Variants in NTNG2 observed in about 807,000 individuals in gnomAD.
The protein encoded by NTNG2 is netrin-G2.
A neutral mutation model predicts 47.6 loss-of-function variants in NTNG2; 15 were observed. That is an observed-to-expected ratio of 0.32 (90% confidence interval 0.21 to 0.49). NTNG2 has a LOEUF of 0.49. Among genes scored for constraint, NTNG2 ranks in the 20% least tolerant of loss-of-function variants. The pLI is 0.99. For synonymous variants in NTNG2, 307 were observed against 324.6 expected (o/e 0.95, Z 0.58); for missense variants, 578 against 764.6 (o/e 0.76, Z 2.88).
At chr9:132,204,180 G>A (rs2130779493) in intron 3 of NTNG2, among the ~76,000 whole-genome samples, 1 of 152,228 alleles carries the variant, frequency 6.6e-6, no homozygotes, top group East Asian at 1.9e-4. Flanking sequence ...GTTCCAAGAG[G>A]CTGAGCTGGG....
At chr9:132,193,949 G>C (rs934078247) in intron 2 of NTNG2, among the ~76,000 whole-genome samples, 2 of 152,264 alleles carry the variant, frequency 1.3e-5, no homozygotes, top group Admixed American at 6.5e-5. Context: ...ATGGGCCCCA[G>C]CGTCTCATCC....
intron 3 of NTNG2, among the ~76,000 whole-genome samples, chr9:132,203,697 G>A (rs868680268): frequency 2.0e-5 from 3 of 152,220 alleles, no homozygotes; most frequent in South Asian, 2.1e-4. Context: ...TCCTGCAGCC[G>A]TGGTAGCAGC....
chr9:132,233,009 A>G (rs1012968962), intron 5 of NTNG2: 1 of 152,272 alleles, frequency 6.6e-6, no homozygotes, highest in African/African-American at 2.4e-5. Context: ...TGCAGGAGGC[A>G]TTTACAGGAG....
intron 2 of NTNG2, among the ~76,000 whole-genome samples, chr9:132,174,921 CA>C (rs10656671): frequency 9.5e-5 from 14 of 147,054 alleles, no homozygotes; most frequent in East Asian, 8.0e-4. Context: ...GACTCTGTCT[CA>C]AAAAAAAAAA....
chr9:132,199,354 A>G (rs1320391399), intron 3 of NTNG2, among the ~76,000 whole-genome samples: 1 of 152,198 alleles, frequency 6.6e-6, no homozygotes, highest in Non-Finnish European at 1.5e-5. Context: ...ATTCACAGTT[A>G]TGGTTTATTA....
At chr9:132,240,665 A>T (rs958455801) in intron 6 of NTNG2, 1 of 591,592 alleles carries the variant, frequency 1.7e-6, no homozygotes, top group East Asian at 2.9e-5. Flanking sequence ...CACCAGTGCC[A>T]GGGCGGGGAA....
chr9:132,164,492 G>C (rs553631586), intron 1 of NTNG2, among the ~76,000 whole-genome samples: 1 of 152,258 alleles, frequency 6.6e-6, no homozygotes, highest in East Asian at 1.9e-4. Context: ...ACCTGTTAGT[G>C]AACAGTTAGG....
At position 132,236,404 on chromosome 9, in the gene NTNG2, G is replaced by A. The variant is rs745382130; in HGVS notation, c.1055-2700G>A. On this transcript the variant is annotated intron_variant, in intron 5 of 7. Transcript: ENST00000393229. This position sits in a 1 kb window ranked among gnomAD's most constrained non-coding sequence, Gnocchi z 4.3. ...GCCAAGGAAACGCGCAGGCCTGCCC[G>A]ACTCTCCAGAAGGGAAATTGTCCCT... Among the ~76,000 whole-genome samples the A allele has an allele frequency of 6.6e-6, 1 of 152,182 alleles. No homozygotes were observed. The highest frequency in any genetic ancestry group is 1.5e-5 in the Non-Finnish European group (1 of 68,032).
intron 3 of NTNG2, among the ~76,000 whole-genome samples, chr9:132,216,787 C>A (rs142004044): frequency 5.9e-5 from 9 of 152,254 alleles, no homozygotes; most frequent in Middle Eastern, 3.4e-3. Flanking sequence ...GGCTGGAGTG[C>A]AGCAGGAGCC....
intron 3 of NTNG2, among the ~76,000 whole-genome samples, chr9:132,211,810 G>A (rs1275322089): frequency 1.3e-5 from 2 of 152,078 alleles, no homozygotes; most frequent in Non-Finnish European, 2.9e-5. Flanking sequence ...TCTGACACCC[G>A]CCCCCATAGG....
Position 132,226,727 on chromosome 9 carries a change from GT to G in NTNG2, c.858-119del. On this transcript the variant is annotated intron_variant, in intron 3 of 7. Coordinates refer to ENST00000393229, the MANE Select transcript of NTNG2 (RefSeq NM_032536.4). This position sits in a 1 kb window ranked among gnomAD's most constrained non-coding sequence, Gnocchi z 4.8. Reference sequence around the variant, plus strand: ...AAAGGTTGGGCTGGTGGCCTCCAGGGTTTCTTCCTGGGCAGCCCAACACCCT... The same window carrying G: ...AAAGGTTGGGCTGGTGGCCTCCAGGGTTCTTCCTGGGCAGCCCAACACCCT... 1 of 804,602 alleles carries G rather than the reference GT, an allele frequency of 1.2e-6. No individual in the cohort carries two copies. The highest frequency in any genetic ancestry group is 1.8e-6 in the Non-Finnish European group (1 of 541,494). 49.8% of individuals were successfully genotyped at this position (804,602 alleles called of 1,614,324 possible).
At chr9:132,185,904 G>A (rs1837343198) in intron 2 of NTNG2, among the ~76,000 whole-genome samples, 1 of 151,844 alleles carries the variant, frequency 6.6e-6, no homozygotes, top group Non-Finnish European at 1.5e-5. Flanking sequence ...GAAAGGAGGA[G>A]GAGCAGCAGC....
At chr9:132,202,796 C>T (rs892007921) in intron 3 of NTNG2, among the ~76,000 whole-genome samples, 18 of 152,146 alleles carry the variant, frequency 1.2e-4, no homozygotes, top group Admixed American at 3.9e-4. Context: ...GCTTTGGGAC[C>T]GGGAGGCTTG....
At chr9:132,172,128 C>A (rs1835971032) in intron 2 of NTNG2, among the ~76,000 whole-genome samples, 1 of 152,226 alleles carries the variant, frequency 6.6e-6, no homozygotes, top group African/African-American at 2.4e-5. Context: ...CCAGCCTTGG[C>A]CCGTGCTGTC....
chr9:132,230,255 C>T (rs775532751), intron 4 of NTNG2, among the ~76,000 whole-genome samples: 3 of 152,252 alleles, frequency 2.0e-5, no homozygotes, highest in Non-Finnish European at 4.4e-5. Context: ...GTGAAGCTCC[C>T]AGTGGAGCGT....
chr9:132,164,774 G>A (rs1244964200), intron 1 of NTNG2, among the ~76,000 whole-genome samples: 1 of 152,216 alleles, frequency 6.6e-6, no homozygotes, highest in African/African-American at 2.4e-5. Context: ...ATCTCCATCA[G>A]CAGTCCTTCA....
chr9:132,187,650 G>A (rs143058075), intron 2 of NTNG2, among the ~76,000 whole-genome samples: 12 of 152,188 alleles, frequency 7.9e-5, no homozygotes, highest in East Asian at 1.9e-4. Context: ...GTTAGAGACC[G>A]TCAGGGCCGC....
intron 5 of NTNG2, 144 bp downstream of exon 5, chr9:132,230,739 C>T: frequency 1.3e-6 from 1 of 771,092 alleles, no homozygotes; most frequent in Middle Eastern, 2.4e-4. Flanking sequence ...AATTACACCC[C>T]ATCTGCTTCT....
At chr9:132,229,064 C>T (rs914664002) in intron 4 of NTNG2, among the ~76,000 whole-genome samples, 2 of 152,134 alleles carry the variant, frequency 1.3e-5, no homozygotes, top group African/African-American at 2.4e-5. Context: ...AGGGGAGACT[C>T]CTGAGCTGGC....
Sources: gnomAD v4.1 joint callset for allele counts (sites outside exome capture counted in the v4.1 genomes callset) on GRCh38, gnomAD v4.1.1 for gene constraint, Gnocchi (gnomAD v3.1) non-coding constraint, MANE v1.5 for transcripts, NCBI Gene and HGNC (gene_info 2026-07-23, HGNC 2026-07-21) for gene names.